Variants in STYXL2 observed in about 807,000 individuals in gnomAD.
STYXL2 encodes the protein serine/threonine/tyrosine-interacting-like protein 2.
A neutral mutation model predicts 52.4 loss-of-function variants in STYXL2; 44 were observed. The observed-to-expected ratio is 0.84, with a 90% CI of 0.66 to 1.08. The LOEUF is 1.08. STYXL2 is among the 50% of genes least tolerant of loss of function. STYXL2 has a pLI of 0.00. For missense variants in STYXL2, 1,604 were observed against 1,471.7 expected (o/e 1.09, Z -1.47); for synonymous variants, 604 against 586.9 (o/e 1.03, Z -0.42).
intron 2 of STYXL2, among the ~76,000 whole-genome samples, chr1:167,098,003 CTTTTTTTT>C (rs35037292): frequency 1.0e-5 from 1 of 96,600 alleles, no homozygotes; most frequent in Non-Finnish European, 2.0e-5. Context: ...TCTCTACAAA[CTTTTTTTT>C]TTTTTTTTTT....
At chr1:167,102,950 T>G (rs904255658) in intron 2 of STYXL2, among the ~76,000 whole-genome samples, 3 of 105,588 alleles carry the variant, frequency 2.8e-5, no homozygotes, top group African/African-American at 9.4e-5. Context: ...CTAGGCAGCT[T>G]AAAAACAAGA....
At chr1:167,098,170 C>T (rs893325539) in intron 2 of STYXL2, among the ~76,000 whole-genome samples, 1 of 151,940 alleles carries the variant, frequency 6.6e-6, no homozygotes, top group African/African-American at 2.4e-5. Context: ...AGCTACCCCA[C>T]CCAGCTAATT....
intron 2 of STYXL2, among the ~76,000 whole-genome samples, chr1:167,097,173 C>T (rs948867243): frequency 6.6e-6 from 1 of 152,198 alleles, no homozygotes; most frequent in Admixed American, 6.5e-5. Context: ...GTCCATTATC[C>T]TCCATAGCCA....
In STYXL2 at chr1:167,129,002, G is replaced by A. The variant is rs1007818198; in HGVS notation, c.*394G>A. The A allele has an allele frequency of 5.7e-6, 1 of 174,016 alleles. No homozygotes were observed. Among genetic ancestry groups the A allele is most frequent in the Non-Finnish European group, 1.2e-5 (1 of 81,134 alleles). The allele number at this position is 174,016 out of a possible 1,614,324, so 10.8% of individuals were successfully genotyped here. On this transcript the variant is annotated 3_prime_UTR_variant, in exon 6 of 6. Coordinates refer to ENST00000361200, the MANE Select transcript of STYXL2 (RefSeq NM_001080426.3). Reference sequence around the variant, plus strand: ...ATGAACATAGGACACGCTTCTGTCTGTAGAGGCTTCATATGAGACCCAGAA... The same window carrying A: ...ATGAACATAGGACACGCTTCTGTCTATAGAGGCTTCATATGAGACCCAGAA...
In STYXL2 at chr1:167,128,416, T is replaced by C. The variant is rs751188800; in HGVS notation, c.3285T>C (p.Ser1095=). The C allele has an allele frequency of 2.1e-5, 34 of 1,613,764 alleles. No individual in the cohort carries two copies. The South Asian group carries it at 3.6e-4, about 17-fold the overall frequency. Residue 1095 remains serine, a synonymous_variant, in exon 6 of 6, where the codon TCT becomes TCC. Coordinates refer to ENST00000361200, the MANE Select transcript of STYXL2 (RefSeq NM_001080426.3). ...AGTTCACCCAGAGCTTTATGAGGTC[T>C]GAAGAAGAGGGAGAGAAAGAGAGGA... ...KRKFTQSFMR[S]EEEGEKERTE...
Position 167,126,208 on chromosome 1 carries a change from C to A in STYXL2, c.1077C>A (p.Gly359=). 6.5e-7 allele frequency: 1 copy of A among 1,535,798 alleles called. No homozygotes were observed. The highest frequency in any genetic ancestry group is 8.7e-7 in the Non-Finnish European group (1 of 1,146,280). ...ACGAGCAGTGGAAGAAGGGGCAGGG[C>A]CTCCTCTCAGACAAGGTCCCCCAGG... ...KLYEQWKKGQ[G]LLSDKVPQDG... is the part of the protein sequence containing the mutation. The change falls in exon 6 of 6, where the codon GGC becomes GGA. Residue 359 remains glycine, a synonymous_variant. Transcript: ENST00000361200.
At chr1:167,120,242 G>A (rs1343242181) in intron 5 of STYXL2, among the ~76,000 whole-genome samples, 3 of 152,224 alleles carry the variant, frequency 2.0e-5, no homozygotes, top group Non-Finnish European at 4.4e-5. Flanking sequence ...TCAGGGAGGA[G>A]AGGTGGAGCC....
intron 1 of STYXL2, 73 bp from the exon 2 acceptor site, chr1:167,094,761 C>CA (rs1667244606): frequency 6.7e-6 from 7 of 1,048,216 alleles, no homozygotes; most frequent in Non-Finnish European, 8.6e-6. Context: ...GTGACATCAC[C>CA]AACACAACTT....
chr1:167,128,332 C>A lies in STYXL2; in HGVS notation c.3201C>A (p.Asp1067Glu). The A allele has an allele frequency of 3.1e-6, 5 of 1,614,038 alleles. No individual in the cohort carries two copies. Among genetic ancestry groups the A allele is most frequent in the Non-Finnish European group, 4.2e-6 (5 of 1,179,970 alleles). ...PQRPNWARSRDWEDVEESSKS... is the reference protein window; with the variant it reads ...PQRPNWARSREWEDVEESSKS... ...GCCCAAATTGGGCCAGGTCCAGGGA[C>A]TGGGAAGATGTGGAAGAGTCATCCA... Residue 1067 changes from aspartate to glutamate, a missense_variant, in exon 6 of 6, where the codon GAC becomes GAA. Transcript: ENST00000361200.
intron 2 of STYXL2, among the ~76,000 whole-genome samples, chr1:167,108,429 C>T (rs140432023): frequency 2.0e-5 from 3 of 152,258 alleles, no homozygotes; most frequent in East Asian, 3.9e-4. Flanking sequence ...TGAACTTTAC[C>T]CTTAATCCAC....
intron 4 of STYXL2, among the ~76,000 whole-genome samples, 176 bp downstream of exon 4, chr1:167,117,735 C>T (rs1403731239): frequency 1.3e-5 from 2 of 152,198 alleles, no homozygotes; most frequent in Admixed American, 1.3e-4. Context: ...CACCTGCATT[C>T]GGAGGTCTCC....
intron 5 of STYXL2, 111 bp downstream of exon 5, chr1:167,119,577 G>A: frequency 1.1e-6 from 1 of 875,982 alleles, no homozygotes; most frequent in African/African-American, 1.7e-5. Flanking sequence ...TCTGTCTTAA[G>A]AAGGCTGTTT....
rs1178785676 is a variant in STYXL2, at chr1:167,129,144, C to G, written c.*536C>G. On this transcript the variant is annotated 3_prime_UTR_variant, in exon 6 of 6. Transcript: ENST00000361200. The stretch of plus-strand genomic sequence containing the variant: ...TGTTGGCAAATAGTTCTTCTTTATT[C>G]TGGTCATGTTTAACTTTTTGGATAT... The G allele has an allele frequency of 6.6e-6, 1 of 152,306 alleles. No individual in the cohort carries two copies. The highest frequency in any genetic ancestry group is 1.5e-5 in the Non-Finnish European group (1 of 68,552). The allele number at this position is 152,306 out of a possible 1,614,324, so 9.4% of individuals were successfully genotyped here. A position where few individuals can be genotyped will look rare whatever the true frequency, so the allele number is the denominator to read the frequency against.
rs1266857734 is a variant in STYXL2 at position 167,127,860 on chromosome 1, A to G, written c.2729A>G (p.Asp910Gly). The G allele has an allele frequency of 1.9e-6, 3 of 1,613,848 alleles. No homozygotes were observed. The highest frequency in any genetic ancestry group is 2.2e-5 in the South Asian group (2 of 91,086). Residue 910 changes from aspartate to glycine, a missense_variant, in exon 6 of 6, where the codon GAC becomes GGC. By Grantham distance (94) the Asp-to-Gly change is moderately conservative. Coordinates refer to ENST00000361200, the MANE Select transcript of STYXL2 (RefSeq NM_001080426.3). ...AGTAATTCCCAGAAACCTGAAACAG[A>G]CACATGCTCCTCCCTGGCTGTCTGT... Reference protein sequence around the residue: ...SRSNSQKPETDTCSSLAVCDH... With the variant: ...SRSNSQKPETGTCSSLAVCDH...
Position 167,127,058 on chromosome 1 carries a change from A to C in STYXL2, c.1927A>C (p.Met643Leu). 6.2e-7 allele frequency: 1 copy of C among 1,611,908 alleles called. No individual in the cohort carries two copies. The highest frequency in any genetic ancestry group is 1.7e-5 in the Admixed American group (1 of 59,876). ...GCAGACGCTGGAGGAGAGCCAGTCT[A>C]TGGCAAGCTGGGAGGCGGACAGCTC... ...SRQTLEESQS[M>L]ASWEADSSTA... The change falls in exon 6 of 6, where the codon ATG (methionine) becomes CTG (leucine). Residue 643 changes from methionine (M) to leucine (L), a missense_variant. Transcript: ENST00000361200.
chr1:167,094,969 C>T lies in STYXL2; in HGVS notation c.110+10C>T. The T allele has an allele frequency of 6.3e-7, 1 of 1,583,116 alleles. No individual in the cohort carries two copies. Among genetic ancestry groups the T allele is most frequent in the Non-Finnish European group, 8.6e-7 (1 of 1,161,890 alleles). On this transcript the variant is annotated intron_variant, in intron 2 of 5. Transcript: ENST00000361200. ...GCCCCTCCCCTAGCCAGTAAGTGAC[C>T]ACTTATCTCCCACCCTCACAGCCCC...
At chr1:167,108,721 A>G (rs1667557024) in intron 2 of STYXL2, among the ~76,000 whole-genome samples, 1 of 152,224 alleles carries the variant, frequency 6.6e-6, no homozygotes, top group Non-Finnish European at 1.5e-5. Context: ...AGAGACTCAC[A>G]TCATGAACCT....
At chr1:167,120,533 G>A (rs1029366773) in intron 5 of STYXL2, among the ~76,000 whole-genome samples, 6 of 152,134 alleles carry the variant, frequency 3.9e-5, no homozygotes, top group African/African-American at 1.4e-4. Context: ...TATTGTTAAT[G>A]ATTTCCTGGA....
At chr1:167,101,553 C>A (rs879563366) in intron 2 of STYXL2, among the ~76,000 whole-genome samples, 6 of 152,150 alleles carry the variant, frequency 3.9e-5, no homozygotes, top group African/African-American at 9.7e-5. Flanking sequence ...TCTATAATCC[C>A]AGCACTTTGG....
Sources: allele counts gnomAD v4.1 joint callset (sites outside exome capture counted in the v4.1 genomes callset), GRCh38; gene constraint gnomAD v4.1.1; transcripts MANE v1.5; gene names NCBI Gene and HGNC (gene_info 2026-07-23, HGNC 2026-07-21).